The following ALDH7A1 variants were observed in gnomAD, a reference collection of about 807,000 sequenced individuals.
The protein encoded by ALDH7A1 is aldehyde dehydrogenase 7 family member A1, also known as alpha-aminoadipic semialdehyde dehydrogenase.
A neutral mutation model predicts 79.9 loss-of-function variants in ALDH7A1; 63 were observed. That is an observed-to-expected ratio of 0.79 (90% CI 0.64 to 0.97). The LOEUF (loss-of-function observed/expected upper bound fraction) is 0.97. Among genes scored for constraint, ALDH7A1 ranks in the 50% least tolerant of loss-of-function variants. ALDH7A1 has a pLI of 0.00. For synonymous variants in ALDH7A1, 240 were observed against 231.2 expected, an observed-to-expected ratio of 1.04 and a Z score of -0.34; for missense variants, 627 against 665.2, an observed-to-expected ratio of 0.94 and a Z score of 0.63.
At chr5:126,586,919 C>T (rs1198600055) in intron 3 of ALDH7A1, 1 of 152,006 alleles carries the variant, frequency 6.6e-6, no homozygotes, top group East Asian at 1.9e-4. Context: ...GACCCTGTCT[C>T]TACTAAAAAT....
chr5:126,561,075 A>G lies in ALDH7A1; in HGVS notation c.913+8T>C, dbSNP rs766528289. 4.8e-5 allele frequency: 77 copies of G among 1,613,314 alleles called. No individual in the cohort carries two copies. Among genetic ancestry groups the G allele is most frequent in the Admixed American group, 1.0e-4 (6 of 60,008 alleles). On this transcript the variant is annotated splice_region_variant and intron_variant, in intron 10 of 17. Transcript: ENST00000409134. ...AGAAAACAAACAAAAACAAAGAGGCAGCCTTACCAATAATGGCATTGTTTC... is the reference window on the plus strand; with the variant it reads ...AGAAAACAAACAAAAACAAAGAGGCGGCCTTACCAATAATGGCATTGTTTC...
intron 5 of ALDH7A1, 73 bp from the exon 6 acceptor site, chr5:126,577,284 G>A (rs940651615): frequency 5.7e-6 from 9 of 1,576,386 alleles, no homozygotes; most frequent in Admixed American, 3.6e-5. Flanking sequence ...AAGAACAAAC[G>A]TACAGCAGAC....
rs149741504 is a variant in ALDH7A1 at position 126,583,223 on chromosome 5, A to T, written c.394-249T>A. ...CAACCGGGCACAGTGGCTCATGCCT[A>T]TAATCCCAGCACTTTGGGAGGCCAA... On this transcript the variant is annotated intron_variant, in intron 4 of 17. Coordinates refer to ENST00000409134, the MANE Select transcript of ALDH7A1 (RefSeq NM_001182.5). Among the ~76,000 whole-genome samples, 4,963 of 152,266 alleles carry T rather than the reference A, an allele frequency of 0.033. 247 individuals carry two copies. Among genetic ancestry groups the T allele is most frequent in the African/African-American group, 0.11 (4,602 of 41,540 alleles).
chr5:126,575,863 A>C (rs1021368435), intron 6 of ALDH7A1, among the ~76,000 whole-genome samples: 2 of 152,200 alleles, frequency 1.3e-5, no homozygotes, highest in African/African-American at 4.8e-5. Flanking sequence ...GAATGTTGGA[A>C]AACATGAGTT....
At chr5:126,594,113 C>T in intron 1 of ALDH7A1, 1 of 420,426 alleles carries the variant, frequency 2.4e-6, no homozygotes, top group South Asian at 1.7e-5. Context: ...CTTACCTTTC[C>T]ATTGTATTCT....
At chr5:126,594,503 G>C (rs187636214) in intron 1 of ALDH7A1, 232 of 273,840 alleles carry the variant, frequency 8.5e-4, no homozygotes, top group African/African-American at 5.5e-3. Flanking sequence ...GGAGTGCAAT[G>C]GCACGATCTC....
intron 8 of ALDH7A1, 62 bp downstream of exon 8, chr5:126,570,720 A>T: frequency 1.4e-6 from 2 of 1,468,306 alleles, no homozygotes; most frequent in South Asian, 2.3e-5. Context: ...TCTAGTAACG[A>T]TGATTCTAGT....
At chr5:126,559,412 T>A (rs1364263328) in intron 10 of ALDH7A1, 78 bp from the exon 11 acceptor site, 1 of 1,097,678 alleles carries the variant, frequency 9.1e-7, no homozygotes, top group African/African-American at 1.6e-5. Context: ...TAAAACAATG[T>A]TGTTTTTTGT....
chr5:126,593,025 C>G (rs1028111240), intron 2 of ALDH7A1, among the ~76,000 whole-genome samples: 1 of 152,296 alleles, frequency 6.6e-6, no homozygotes, highest in South Asian at 2.1e-4. Context: ...ACCCAGACTT[C>G]GGAAATCAGA....
Position 126,549,953 on chromosome 5 carries a change from C to A in ALDH7A1, c.1465G>T (p.Gly489Trp), listed in dbSNP as rs1749932584. Reference protein sequence around the residue: ...GIVNVNIPTSGAEIGGAFGGE... With the variant: ...GIVNVNIPTSWAEIGGAFGGE... ...CCAAAGGCACCTCCAATCTCAGCCC[C>A]ACTTGTTGGAATGTTGACATTTACA... Residue 489 changes from glycine to tryptophan, a missense_variant, in exon 16 of 18, where the codon GGG (glycine) becomes TGG (tryptophan). Physicochemically the swap from Gly to Trp is radical, Grantham distance 184. Coordinates refer to ENST00000409134, the MANE Select transcript of ALDH7A1 (RefSeq NM_001182.5). 1 of 1,614,064 alleles carries A rather than the reference C, an allele frequency of 6.2e-7. No individual in the cohort carries two copies. Among genetic ancestry groups the A allele is most frequent in the African/African-American group, 1.3e-5 (1 of 74,936 alleles).
In ALDH7A1 at chr5:126,544,798, A is replaced by T. The variant is rs1376580438; in HGVS notation, c.*167T>A. 4.8e-6 allele frequency: 3 copies of T among 625,500 alleles called. No individual in the cohort carries two copies. The highest frequency in any genetic ancestry group is 8.5e-6 in the Non-Finnish European group (3 of 354,156). 38.7% of individuals were successfully genotyped at this position (625,500 alleles called of 1,614,324 possible). A position where few individuals can be genotyped will look rare whatever the true frequency, so the allele number is the denominator to read the frequency against. On this transcript the variant is annotated 3_prime_UTR_variant, in exon 18 of 18. Coordinates refer to ENST00000409134, the MANE Select transcript of ALDH7A1 (RefSeq NM_001182.5). The stretch of plus-strand genomic sequence containing the variant: ...TTGTAACAATTTTATTTTGATTTTT[A>T]AAAAAGGAATCTCTTGATTTAATCA...
intron 11 of ALDH7A1, among the ~76,000 whole-genome samples, chr5:126,558,204 A>G (rs2408703): frequency 2.0e-5 from 3 of 151,238 alleles, no homozygotes; most frequent in African/African-American, 7.3e-5. Flanking sequence ...CAAAAACAAA[A>G]CAAAAAAAAC....
intron 7 of ALDH7A1, among the ~76,000 whole-genome samples, chr5:126,571,426 T>G (rs1013232038): frequency 3.4e-5 from 5 of 148,808 alleles, no homozygotes; most frequent in African/African-American, 1.2e-4. Flanking sequence ...TGCAGTGAGC[T>G]GAGATCATGC....
chr5:126,546,402 A>G lies in ALDH7A1; in HGVS notation c.1490-3T>C, dbSNP rs974382617. ...ACCACCAGTGTGCTTTTCTCCTCCT[A>G]GAGAAATAAAAAATAATATCATATC... On this transcript the variant is annotated splice_region_variant and splice_polypyrimidine_tract_variant and intron_variant, in intron 16 of 17. Coordinates refer to ENST00000409134, the MANE Select transcript of ALDH7A1 (RefSeq NM_001182.5). The G allele has an allele frequency of 6.2e-7, 1 of 1,613,544 alleles. No individual in the cohort carries two copies. Among genetic ancestry groups the G allele is most frequent in the African/African-American group, 1.3e-5 (1 of 75,020 alleles).
chr5:126,584,703 C>G (rs972587249), intron 3 of ALDH7A1, among the ~76,000 whole-genome samples: 4 of 128,968 alleles, frequency 3.1e-5, no homozygotes, highest in Admixed American at 7.7e-5. Context: ...ACAAGGGAAA[C>G]AGCAAGTGGA....
chr5:126,584,218 G>A, intron 3 of ALDH7A1: 1 of 556,192 alleles, frequency 1.8e-6, no homozygotes, highest in Non-Finnish European at 3.2e-6. Flanking sequence ...AAGGCACAGA[G>A]GAGAAGAAAA....
At position 126,595,096 on chromosome 5, in the gene ALDH7A1, T is replaced by G. The variant is rs1246001467; in HGVS notation, c.103A>C (p.Asn35His). 1.9e-6 allele frequency: 3 copies of G among 1,599,576 alleles called. No homozygotes were observed. Among genetic ancestry groups the G allele is most frequent in the Non-Finnish European group, 2.6e-6 (3 of 1,172,802 alleles). ...TTCAGCCACGCATACTGGGGCTGAT[T>G]GATGAGGAGAGTGGACATGAAGGCG... ...PAAFMSTLLI[N>H]QPQYAWLKEL... is the part of the protein sequence containing the mutation. The change falls in exon 1 of 18, where the codon AAT becomes CAT. Residue 35 changes from asparagine to histidine, a missense_variant. Transcript: ENST00000409134.
chr5:126,593,174 A>G (rs1025301041), intron 2 of ALDH7A1, among the ~76,000 whole-genome samples, 177 bp downstream of exon 2: 1 of 152,118 alleles, frequency 6.6e-6, no homozygotes, highest in Non-Finnish European at 1.5e-5. Flanking sequence ...TCTCCCCCAG[A>G]CAGTCCTAAA....
At chr5:126,594,829 T>C (rs1684397522) in intron 1 of ALDH7A1, among the ~76,000 whole-genome samples, 178 bp downstream of exon 1, 1 of 151,690 alleles carries the variant, frequency 6.6e-6, no homozygotes, top group African/African-American at 2.4e-5. Flanking sequence ...CACAAGGACC[T>C]AAAATCTAAG....
Sources: gnomAD v4.1 joint callset for allele counts (sites outside exome capture counted in the v4.1 genomes callset) on GRCh38, gnomAD v4.1.1 for gene constraint, MANE v1.5 for transcripts, NCBI Gene and HGNC (gene_info 2026-07-23, HGNC 2026-07-21) for gene names.